CACNA1C: variants seen among roughly 807,000 people sequenced by gnomAD.
CACNA1C encodes the protein voltage-dependent L-type calcium channel subunit alpha-1C.
In CACNA1C, 30 loss-of-function variants were observed where a neutral mutation model predicts 229.0. That is an observed-to-expected ratio of 0.13 (90% CI 0.10 to 0.18). The LOEUF (loss-of-function observed/expected upper bound fraction) is 0.18, where lower values mean the gene tolerates loss of function less well. Among genes scored for constraint, CACNA1C ranks in the 10% least tolerant of loss-of-function variants. The pLI is 1.00. For synonymous variants in CACNA1C, 1,114 were observed against 1,132.5 expected, an observed-to-expected ratio of 0.98 and a Z score of 0.33; for missense variants, 1,658 against 2,845.0, an observed-to-expected ratio of 0.58 and a Z score of 9.49.
At chr12:2,113,581 A>G (rs1257041873) in intron 1 of CACNA1C, among the ~76,000 whole-genome samples, 4 of 152,170 alleles carry the variant, frequency 2.6e-5, no homozygotes, top group East Asian at 1.9e-4. Flanking sequence ...TGTATGTGCA[A>G]CTGGTCTGGC....
At chr12:2,638,942 C>T (rs2093272718) in intron 30 of CACNA1C, among the ~76,000 whole-genome samples, 1 of 152,198 alleles carries the variant, frequency 6.6e-6, no homozygotes, top group African/African-American at 2.4e-5. Context: ...AGATGGTACC[C>T]AAAGCCCCGG....
Position 2,610,658 on chromosome 12 carries a change from T to C in CACNA1C, c.3676T>C (p.Phe1226Leu). 6.2e-7 allele frequency: 1 copy of C among 1,614,210 alleles called. No homozygotes were observed. ...CTCCACCTACTTCGAGTACCTGATG[T>C]TCGTCCTCATCCTGCTCAACACCAT... ...VNSTYFEYLM[F>L]VLILLNTICL... The change falls in exon 28 of 47, where the codon TTC (phenylalanine) becomes CTC (leucine). Residue 1226 changes from phenylalanine (F) to leucine (L), a missense_variant. Transcript: ENST00000399655.
intron 38 of CACNA1C, among the ~76,000 whole-genome samples, chr12:2,671,380 G>A (rs190936203): frequency 2.0e-5 from 3 of 152,146 alleles, no homozygotes; most frequent in African/African-American, 4.8e-5. Context: ...AAATGTGTTC[G>A]TATGCTAACA....
At chr12:2,640,806 G>A (rs1568991964) in intron 30 of CACNA1C, among the ~76,000 whole-genome samples, 1 of 152,208 alleles carries the variant, frequency 6.6e-6, no homozygotes, top group African/African-American at 2.4e-5. Flanking sequence ...CAAGCAAGCC[G>A]GGCTCCTCTC....
intron 3 of CACNA1C, among the ~76,000 whole-genome samples, chr12:2,437,490 G>C (rs2099145761): frequency 6.6e-6 from 1 of 152,230 alleles, no homozygotes; most frequent in South Asian, 2.1e-4. Context: ...GTAAGGCTTT[G>C]TGGAAGATTA....
intron 29 of CACNA1C, chr12:2,614,825 C>T (rs1174996526): frequency 6.6e-6 from 1 of 152,212 alleles, no homozygotes; most frequent in Non-Finnish European, 1.5e-5. Flanking sequence ...ATTCTTGCTT[C>T]ATTCTTTCAT....
chr12:2,178,705 T>C (rs1318595522), intron 3 of CACNA1C, among the ~76,000 whole-genome samples: 4 of 152,156 alleles, frequency 2.6e-5, no homozygotes, highest in Non-Finnish European at 5.9e-5. Context: ...GAGTACCAGA[T>C]TATTAACAGG....
At chr12:2,249,070 C>G (rs775380781) in intron 3 of CACNA1C, among the ~76,000 whole-genome samples, 18 of 152,212 alleles carry the variant, frequency 1.2e-4, no homozygotes, top group Non-Finnish European at 2.4e-4. Context: ...TCTGAATAGG[C>G]TGTCAGTAGA....
chr12:2,622,273 T>C (rs1194941118), intron 29 of CACNA1C, among the ~76,000 whole-genome samples: 1 of 152,112 alleles, frequency 6.6e-6, no homozygotes, highest in African/African-American at 2.4e-5. Flanking sequence ...CAGAGGCCAG[T>C]GTGTGCAGGC....
intron 3 of CACNA1C, among the ~76,000 whole-genome samples, chr12:2,368,163 A>G (rs1044129579): frequency 9.7e-6 from 1 of 103,310 alleles, no homozygotes; most frequent in Admixed American, 1.1e-4. Flanking sequence ...GAATAGAATG[A>G]CAGCTAATAT....
At chr12:2,085,138 G>A (rs1806212507) in intron 1 of CACNA1C, among the ~76,000 whole-genome samples, 1 of 152,208 alleles carries the variant, frequency 6.6e-6, no homozygotes, top group African/African-American at 2.4e-5. Context: ...CTAGGCATCT[G>A]TGCATAGAAT....
At position 2,597,948 on chromosome 12, in the gene CACNA1C, C is replaced by T. The variant is rs571582470; in HGVS notation, c.2853+659C>T. Among the ~76,000 whole-genome samples, 70 of 152,338 alleles carry T rather than the reference C, an allele frequency of 4.6e-4. No homozygotes were observed. The highest frequency in any genetic ancestry group is 1.6e-3 in the African/African-American group (67 of 41,572). On this transcript the variant is annotated intron_variant, in intron 21 of 46. Transcript: ENST00000399655. This position sits in a 1 kb window ranked among gnomAD's most constrained non-coding sequence, Gnocchi z 4.3. ...GCGTGAAAGAATCACTTGAGCTACT[C>T]TCTTTGGATGCCCATCCTTAGCACC... is the stretch of plus-strand genomic sequence containing the variant.
At chr12:2,555,427 C>T (rs932422083) in intron 10 of CACNA1C, among the ~76,000 whole-genome samples, 27 of 152,190 alleles carry the variant, frequency 1.8e-4, no homozygotes, top group African/African-American at 5.8e-4. Context: ...CCCACTTGAG[C>T]TTATGGTTAA....
intron 9 of CACNA1C, among the ~76,000 whole-genome samples, chr12:2,535,129 C>G (rs2099850089): frequency 6.6e-6 from 1 of 152,242 alleles, no homozygotes; most frequent in Non-Finnish European, 1.5e-5. Context: ...GTGGCTCACG[C>G]CTATCATCCC....
Position 2,493,404 on chromosome 12 carries a change from G to A in CACNA1C, c.1113+18G>A, listed in dbSNP as rs946141464. ...TGTACTGGGTACGTAGCATGAGTGG[G>A]CAGTCAGAGGGTGGGGGAACAGCGG... is the stretch of plus-strand genomic sequence containing the variant. On this transcript the variant is annotated intron_variant, in intron 7 of 46. Transcript: ENST00000399655. This position sits in a 1 kb window ranked among gnomAD's most constrained non-coding sequence, Gnocchi z 4.6. The A allele has an allele frequency of 1.9e-6, 3 of 1,592,890 alleles. No individual in the cohort carries two copies. Among genetic ancestry groups the A allele is most frequent in the Non-Finnish European group, 2.6e-6 (3 of 1,161,706 alleles).
At chr12:2,389,807 CG>C (rs1292970409) in intron 3 of CACNA1C, among the ~76,000 whole-genome samples, 1 of 152,154 alleles carries the variant, frequency 6.6e-6, no homozygotes, top group Non-Finnish European at 1.5e-5. Flanking sequence ...CACCCACCCT[CG>C]TTCTTCCAAC....
intron 5 of CACNA1C, among the ~76,000 whole-genome samples, chr12:2,462,999 G>A (rs1024719318): frequency 5.7e-5 from 8 of 140,526 alleles, no homozygotes; most frequent in Admixed American, 1.5e-4. Flanking sequence ...TGTAAGCTCC[G>A]CCTCCTGGGT....
At chr12:2,547,950 T>C (rs990856007) in intron 9 of CACNA1C, among the ~76,000 whole-genome samples, 5 of 152,174 alleles carry the variant, frequency 3.3e-5, no homozygotes, top group African/African-American at 1.2e-4. Context: ...TCCACAGCAC[T>C]GTACTCACAC....
rs1454968065 is a variant in CACNA1C, at chr12:2,163,272, A to T, written c.477+42842A>T. On this transcript the variant is annotated intron_variant, in intron 3 of 46. Coordinates refer to ENST00000399655, the MANE Select transcript of CACNA1C (RefSeq NM_000719.7). Reference sequence around the variant, plus strand: ...TTTAAAATTGACAGTGCATTTTCTCATCCATCATTTGAGCCTCACAACAGC... The same window carrying T: ...TTTAAAATTGACAGTGCATTTTCTCTTCCATCATTTGAGCCTCACAACAGC... Among the ~76,000 whole-genome samples the T allele has an allele frequency of 7.9e-5, 12 of 151,450 alleles. No homozygotes were observed. In the East Asian group the frequency reaches 2.3e-3, roughly 29 times the overall value.
Sources: allele counts gnomAD v4.1 joint callset (sites outside exome capture counted in the v4.1 genomes callset), GRCh38; gene constraint gnomAD v4.1.1; non-coding constraint Gnocchi (gnomAD v3.1); transcripts MANE v1.5; gene names NCBI Gene and HGNC (gene_info 2026-07-23, HGNC 2026-07-21).